Variants in RXYLT1 observed in about 807,000 individuals in gnomAD.
RXYLT1 encodes ribitol xylosyltransferase 1.
In RXYLT1, 41 loss-of-function variants were observed where a neutral mutation model predicts 43.5. The ratio of observed to expected loss-of-function variants is 0.94; its 90% CI spans 0.73 to 1.22. RXYLT1 has a LOEUF of 1.22. RXYLT1 is among the 50% of genes most tolerant of loss of function. RXYLT1 has a pLI of 0.00. For missense variants in RXYLT1, 514 were observed against 532.0 expected, an observed-to-expected ratio of 0.97 and a Z score of 0.33; for synonymous variants, 166 against 194.4, an observed-to-expected ratio of 0.85 and a Z score of 1.21.
intron 3 of RXYLT1, among the ~76,000 whole-genome samples, chr12:63,798,405 C>T (rs573190742): frequency 6.6e-6 from 1 of 152,348 alleles, no homozygotes; most frequent in South Asian, 2.1e-4. Context: ...CACTTCCTTA[C>T]TTCTCAACCC....
At chr12:63,794,631 G>A (rs1032939936) in intron 3 of RXYLT1, among the ~76,000 whole-genome samples, 3 of 152,020 alleles carry the variant, frequency 2.0e-5, no homozygotes, top group African/African-American at 7.2e-5. Flanking sequence ...TGTACTGCTT[G>A]GAGCAACAAA....
At chr12:63,806,225 T>C (rs1898288163) in intron 5 of RXYLT1, 1 of 152,208 alleles carries the variant, frequency 6.6e-6, no homozygotes, top group Non-Finnish European at 1.5e-5. Context: ...CCACAGTAAA[T>C]ACAGCAGTGA....
chr12:63,796,005 T>C lies in RXYLT1; in HGVS notation c.429-6086T>C, dbSNP rs375570470. Among the ~76,000 whole-genome samples the C allele has an allele frequency of 5.3e-5, 8 of 152,328 alleles. No individual in the cohort carries two copies. In the East Asian group the frequency reaches 1.3e-3, roughly 26 times the overall value. On this transcript the variant is annotated intron_variant, in intron 3 of 5. Coordinates refer to ENST00000261234, the MANE Select transcript of RXYLT1 (RefSeq NM_014254.3). Reference sequence around the variant, plus strand: ...AATTATTTTTTTCAGGAAAATAACATTGATACAAAACTGTTATCTAATTTA... The same window carrying C: ...AATTATTTTTTTCAGGAAAATAACACTGATACAAAACTGTTATCTAATTTA...
At chr12:63,789,570 A>G (rs535340366) in intron 3 of RXYLT1, among the ~76,000 whole-genome samples, 1 of 152,302 alleles carries the variant, frequency 6.6e-6, no homozygotes, top group South Asian at 2.1e-4. Flanking sequence ...GATCACCACA[A>G]ACTTTCAATT....
chr12:63,792,039 A>G lies in RXYLT1; in HGVS notation c.428+6967A>G, dbSNP rs988261023. On this transcript the variant is annotated intron_variant, in intron 3 of 5. Coordinates refer to ENST00000261234, the MANE Select transcript of RXYLT1 (RefSeq NM_014254.3). ...GGCTAAGTACCTGGCCTAAGGTTAC[A>G]TACTTCTAATTAGTGGGTAAAGCCA... is the stretch of plus-strand genomic sequence containing the variant. 5.3e-5 allele frequency among the ~76,000 whole-genome samples: 8 copies of G among 152,218 alleles called. No homozygotes were observed. The East Asian group carries it at 5.8e-4, about 11-fold the overall frequency.
intron 3 of RXYLT1, 109 bp from the exon 4 acceptor site, chr12:63,801,982 G>A (rs2136231539): frequency 9.6e-7 from 1 of 1,038,640 alleles, no homozygotes; most frequent in Non-Finnish European, 1.4e-6. Flanking sequence ...TAGATAGAAT[G>A]TGGATTAAAT....
chr12:63,794,273 T>C lies in RXYLT1; in HGVS notation c.429-7818T>C, dbSNP rs528149525. On this transcript the variant is annotated intron_variant, in intron 3 of 5. Coordinates refer to ENST00000261234, the MANE Select transcript of RXYLT1 (RefSeq NM_014254.3). ...TTGTAGGACACTCAGATCTCTATTA[T>C]AGTCCACTGTGGTCTGTTCATTACC... 4.3e-3 allele frequency among the ~76,000 whole-genome samples: 650 copies of C among 152,314 alleles called. 4 individuals carry two copies. Among genetic ancestry groups the C allele is most frequent in the African/African-American group, 0.015 (622 of 41,566 alleles).
chr12:63,796,317 G>A (rs543600866), intron 3 of RXYLT1, among the ~76,000 whole-genome samples: 63 of 152,274 alleles, frequency 4.1e-4, no homozygotes, highest in African/African-American at 1.1e-3. Flanking sequence ...ATTTGTTCCC[G>A]TTACTGATTA....
intron 3 of RXYLT1, among the ~76,000 whole-genome samples, chr12:63,798,311 T>G (rs1372398408): frequency 6.6e-6 from 1 of 152,206 alleles, no homozygotes; most frequent in Admixed American, 6.5e-5. Context: ...CTTCCTTGCT[T>G]TCCTTTATTC....
Position 63,809,030 on chromosome 12 carries a change from G to C in RXYLT1, c.1270G>C (p.Glu424Gln), listed in dbSNP as rs754980339. 1.9e-6 allele frequency: 3 copies of C among 1,586,488 alleles called. No individual in the cohort carries two copies. The Admixed American group carries it at 5.7e-5, about 30-fold the overall frequency. ...TCAGTGGTATCAGCACTTCAAGACAGAGCTTAAAATGAAATTTACTAATAT... is the reference window on the plus strand; with the variant it reads ...TCAGTGGTATCAGCACTTCAAGACACAGCTTAAAATGAAATTTACTAATAT... ...LLQWYQHFKT[E>Q]LKMKFTNILE... The change falls in exon 6 of 6, where the codon GAG (glutamate) becomes CAG (glutamine). Residue 424 changes from glutamate (E) to glutamine (Q), a missense_variant. Transcript: ENST00000261234.
chr12:63,786,604 G>A (rs1897807229), intron 3 of RXYLT1, among the ~76,000 whole-genome samples: 1 of 152,098 alleles, frequency 6.6e-6, no homozygotes. Flanking sequence ...TCTTTTTGCT[G>A]GTGGAGGGTC....
chr12:63,789,576 C>T (rs952490185), intron 3 of RXYLT1, among the ~76,000 whole-genome samples: 3 of 152,086 alleles, frequency 2.0e-5, no homozygotes, highest in African/African-American at 7.2e-5. Flanking sequence ...CACAAACTTT[C>T]AATTTGTAAA....
chr12:63,790,722 A>G (rs926383376), intron 3 of RXYLT1, among the ~76,000 whole-genome samples: 1 of 151,978 alleles, frequency 6.6e-6, no homozygotes, highest in African/African-American at 2.4e-5. Context: ...TTGGCCTCCA[A>G]AAGTGCTGGG....
chr12:63,780,300 A>C, intron 1 of RXYLT1, 171 bp downstream of exon 1: 1 of 1,354,450 alleles, frequency 7.4e-7, no homozygotes, highest in Non-Finnish European at 9.4e-7. Flanking sequence ...GGAATTGGAG[A>C]ATGGTCCTCA....
At chr12:63,802,937 A>G (rs558703639) in intron 4 of RXYLT1, among the ~76,000 whole-genome samples, 5 of 151,888 alleles carry the variant, frequency 3.3e-5, no homozygotes, top group Non-Finnish European at 5.9e-5. Flanking sequence ...TGGGAGGCCA[A>G]CTAGGCAGAT....
rs1208100393 is a variant in RXYLT1, at chr12:63,809,111, A to C, written c.*19A>C. ...AAGTTAATTATCTTTTTGAGCTAAC[A>C]TGTGATTTTTAAAATCATTTTGACT... On this transcript the variant is annotated 3_prime_UTR_variant, in exon 6 of 6. Transcript: ENST00000261234. 4 of 1,315,720 alleles carry C rather than the reference A, an allele frequency of 3.0e-6. No homozygotes were observed. The highest frequency in any genetic ancestry group is 4.1e-6 in the Non-Finnish European group (4 of 973,030). 81.5% of individuals were successfully genotyped at this position (1,315,720 alleles called of 1,614,324 possible). A position where few individuals can be genotyped will look rare whatever the true frequency, so the allele number is the denominator to read the frequency against.
intron 3 of RXYLT1, among the ~76,000 whole-genome samples, chr12:63,801,865 TATC>T (rs934572926): frequency 6.6e-6 from 1 of 152,126 alleles, no homozygotes; most frequent in Admixed American, 6.6e-5. Context: ...CATTTTGTAT[TATC>T]ATATGCAAAT....
At chr12:63,786,478 TAC>T (rs764168652) in intron 3 of RXYLT1, among the ~76,000 whole-genome samples, 1 of 151,986 alleles carries the variant, frequency 6.6e-6, no homozygotes, top group African/African-American at 2.4e-5. Context: ...TACACTGTAC[TAC>T]AGTCTATTAA....
intron 2 of RXYLT1, 34 bp from the exon 3 acceptor site, chr12:63,784,936 T>G: frequency 6.4e-7 from 1 of 1,562,720 alleles, no homozygotes; most frequent in Non-Finnish European, 8.8e-7. Context: ...AGACAGTAAA[T>G]TGTTTTGATT....
Sources: gnomAD v4.1 joint callset for allele counts (sites outside exome capture counted in the v4.1 genomes callset) on GRCh38, gnomAD v4.1.1 for gene constraint, MANE v1.5 for transcripts, NCBI Gene and HGNC (gene_info 2026-07-23, HGNC 2026-07-21) for gene names.